MYRIP: variants seen among roughly 807,000 people sequenced by gnomAD.
MYRIP encodes myosin VIIA and Rab interacting protein.
A neutral mutation model predicts 98.0 loss-of-function variants in MYRIP; 49 were observed. That is an observed-to-expected ratio of 0.50 (90% CI 0.40 to 0.63). The LOEUF is 0.63. Among genes scored for constraint, MYRIP ranks in the 30% least tolerant of loss-of-function variants. MYRIP has a pLI of 0.00. For synonymous variants in MYRIP, 404 were observed against 409.5 expected (o/e 0.99, Z 0.16); for missense variants, 1,004 against 1,058.2 (o/e 0.95, Z 0.71).
intron 3 of MYRIP, among the ~76,000 whole-genome samples, chr3:40,100,675 G>T (rs999051620): frequency 1.3e-5 from 2 of 152,190 alleles, no homozygotes; most frequent in African/African-American, 2.4e-5. Flanking sequence ...TTCCAGCAGG[G>T]AGTGGGAAAG....
At chr3:39,991,288 G>A (rs1282457582) in intron 2 of MYRIP, among the ~76,000 whole-genome samples, 4 of 152,172 alleles carry the variant, frequency 2.6e-5, no homozygotes, top group African/African-American at 7.2e-5. Flanking sequence ...TTCCCTTGAG[G>A]CTTGAGGCTT....
chr3:39,950,953 G>C (rs1944999825), intron 2 of MYRIP, among the ~76,000 whole-genome samples: 1 of 152,022 alleles, frequency 6.6e-6, no homozygotes, highest in Non-Finnish European at 1.5e-5. Flanking sequence ...AGTGCTCTTT[G>C]CAGAAATCCT....
chr3:40,156,494 A>C (rs1012007715), intron 4 of MYRIP, among the ~76,000 whole-genome samples: 3 of 152,154 alleles, frequency 2.0e-5, no homozygotes, highest in Admixed American at 6.5e-5. Flanking sequence ...TTGGTGCCAT[A>C]TGAACTTTAA....
At chr3:40,128,632 A>G (rs1347467983) in intron 3 of MYRIP, among the ~76,000 whole-genome samples, 4 of 152,208 alleles carry the variant, frequency 2.6e-5, no homozygotes, top group Non-Finnish European at 2.9e-5. Context: ...AGCTTGGAAC[A>G]CACATTCAGG....
chr3:39,896,120 T>G (rs538851393), intron 1 of MYRIP, among the ~76,000 whole-genome samples: 25 of 152,266 alleles, frequency 1.6e-4, no homozygotes, highest in Non-Finnish European at 3.1e-4. Flanking sequence ...AAAAACAAAA[T>G]GGAAAATGTA....
Position 39,939,485 on chromosome 3 carries a change from C to T in MYRIP, c.110+38559C>T, listed in dbSNP as rs79623771. 3.4e-3 allele frequency among the ~76,000 whole-genome samples: 524 copies of T among 152,124 alleles called. 2 individuals are homozygous for T. The highest frequency in any genetic ancestry group is 0.011 in the African/African-American group (460 of 41,522). On this transcript the variant is annotated intron_variant, in intron 2 of 16. Transcript: ENST00000302541. ...GAAATTACATCTAGTGAAACACACA[C>T]GTGCTTATCTGCACGTGTGTGTAAG...
chr3:39,932,059 A>G (rs905069454), intron 2 of MYRIP, among the ~76,000 whole-genome samples: 3 of 152,058 alleles, frequency 2.0e-5, no homozygotes, highest in African/African-American at 7.2e-5. Flanking sequence ...TAGTCCTCTA[A>G]TATTTACTAG....
At chr3:40,007,582 C>G (rs1010945571) in intron 2 of MYRIP, among the ~76,000 whole-genome samples, 8 of 152,306 alleles carry the variant, frequency 5.3e-5, no homozygotes, top group Admixed American at 2.0e-4. Flanking sequence ...TTTGCATATG[C>G]TGGCATTGTG....
rs1036718166 is a variant in MYRIP, at chr3:40,189,378, G to C, written c.1028-448G>C. Among the ~76,000 whole-genome samples, 14 of 152,208 alleles carry C rather than the reference G, an allele frequency of 9.2e-5. 1 individual carries two copies. Among genetic ancestry groups the C allele is most frequent in the Admixed American group, 9.2e-4 (14 of 15,282 alleles). On this transcript the variant is annotated intron_variant, in intron 9 of 16. Transcript: ENST00000302541. ...AAGAGCAGATGTGTTAACCTCTGAG[G>C]TCTGCCAGGGCAGGTGGTGGAATTG...
At chr3:40,026,331 G>A (rs112116294) in intron 2 of MYRIP, among the ~76,000 whole-genome samples, 16 of 152,088 alleles carry the variant, frequency 1.1e-4, no homozygotes, top group African/African-American at 3.4e-4. Flanking sequence ...CCCTAAAATC[G>A]CTGTTATTCT....
intron 3 of MYRIP, among the ~76,000 whole-genome samples, chr3:40,064,693 A>AG (rs1948090919): frequency 6.6e-6 from 1 of 152,012 alleles, no homozygotes; most frequent in Non-Finnish European, 1.5e-5. Context: ...TGAGCTGATG[A>AG]TCTGTTCTCC....
intron 11 of MYRIP, among the ~76,000 whole-genome samples, chr3:40,213,197 T>G (rs759426861): frequency 1.3e-5 from 2 of 152,204 alleles, no homozygotes; most frequent in Non-Finnish European, 2.9e-5. Flanking sequence ...TGCTTTTTAA[T>G]TGATCCCTAG....
intron 12 of MYRIP, among the ~76,000 whole-genome samples, chr3:40,238,297 A>T (rs2125705543): frequency 6.6e-6 from 1 of 152,364 alleles, no homozygotes; most frequent in East Asian, 1.9e-4. Context: ...TCACAGAGCC[A>T]TGGGCGCGTT....
intron 15 of MYRIP, among the ~76,000 whole-genome samples, chr3:40,251,300 T>C (rs1007967237): frequency 1.3e-5 from 2 of 152,252 alleles, no homozygotes; most frequent in African/African-American, 4.8e-5. Flanking sequence ...TGTATGCAGT[T>C]AAAATTTATC....
chr3:40,007,597 G>A (rs959792209), intron 2 of MYRIP, among the ~76,000 whole-genome samples: 7 of 152,176 alleles, frequency 4.6e-5, no homozygotes, highest in East Asian at 3.9e-4. Flanking sequence ...ATTGTGTGCC[G>A]AGTATCTAAT....
rs577000068 is a variant in MYRIP at position 40,134,342 on chromosome 3, G to A, written c.333-16706G>A. On this transcript the variant is annotated intron_variant, in intron 3 of 16. Coordinates refer to ENST00000302541, the MANE Select transcript of MYRIP (RefSeq NM_015460.4). ...GCGGCAGCGAGGCTGCGGGAGGGGCGCCCACAATTGCTCAGGCTTGAGTAG... is the reference window on the plus strand; with the variant it reads ...GCGGCAGCGAGGCTGCGGGAGGGGCACCCACAATTGCTCAGGCTTGAGTAG... Among the ~76,000 whole-genome samples, 200 of 152,322 alleles carry A rather than the reference G, an allele frequency of 1.3e-3. 2 individuals are homozygous for A. The highest frequency in any genetic ancestry group is 4.4e-3 in the African/African-American group (185 of 41,574).
At chr3:39,853,836 G>C (rs1039705704) in intron 1 of MYRIP, among the ~76,000 whole-genome samples, 5 of 152,064 alleles carry the variant, frequency 3.3e-5, no homozygotes, top group Non-Finnish European at 7.4e-5. Context: ...GCTTAAGCCA[G>C]TGTCTAGAAG....
Position 40,151,121 on chromosome 3 carries a change from A to G in MYRIP, c.406A>G (p.Lys136Glu). The change falls in exon 4 of 17, where the codon AAG becomes GAG. Residue 136 changes from lysine to glutamate, a missense_variant. Coordinates refer to ENST00000302541, the MANE Select transcript of MYRIP (RefSeq NM_015460.4). ...CCGCTTCAAGCGCTTTGGCAGTGCC[A>G]AGGTTCTGAAGAACCTGTACAGGAA... The part of the protein sequence containing the change: ...KSRFKRFGSA[K>E]VLKNLYRKHR... 6.2e-7 allele frequency: 1 copy of G among 1,611,596 alleles called. No homozygotes were observed. The highest frequency in any genetic ancestry group is 8.5e-7 in the Non-Finnish European group (1 of 1,178,754).
intron 2 of MYRIP, among the ~76,000 whole-genome samples, chr3:40,042,681 G>C (rs181836392): frequency 6.6e-6 from 1 of 152,276 alleles, no homozygotes; most frequent in Non-Finnish European, 1.5e-5. Context: ...TAAAACAATA[G>C]TAGTAGTAAA....
Sources: allele counts gnomAD v4.1 joint callset (sites outside exome capture counted in the v4.1 genomes callset), GRCh38; gene constraint gnomAD v4.1.1; transcripts MANE v1.5; gene names NCBI Gene and HGNC (gene_info 2026-07-23, HGNC 2026-07-21).